GSTCD: variants seen among roughly 807,000 people sequenced by gnomAD.
GSTCD encodes glutathione S-transferase C-terminal domain containing.
GSTCD carries 44 observed loss-of-function variants against 68.3 expected under a neutral mutation model. The observed-to-expected ratio is 0.64, with a 90% CI of 0.51 to 0.83. The LOEUF is 0.83. Ranked by LOEUF, GSTCD falls within the 40% of genes least tolerant of loss-of-function variation. The pLI, the probability that GSTCD is intolerant of heterozygous loss-of-function variation, is 0.00. For synonymous variants in GSTCD, 273 were observed against 255.2 expected (o/e 1.07, Z -0.67); for missense variants, 739 against 735.9 (o/e 1.00, Z -0.05).
chr4:105,828,321 A>T (rs1276704331), intron 8 of GSTCD, among the ~76,000 whole-genome samples: 7 of 152,220 alleles, frequency 4.6e-5, no homozygotes, highest in African/African-American at 1.4e-4. Context: ...GTGTACAATT[A>T]AAAGAAGCAT....
intron 7 of GSTCD, 192 bp downstream of exon 7, chr4:105,823,467 T>C (rs1723416472): frequency 2.2e-6 from 1 of 447,462 alleles, no homozygotes; most frequent in African/African-American, 2.0e-5. Flanking sequence ...AGTAAGATCA[T>C]AAAACATTTA....
intron 5 of GSTCD, among the ~76,000 whole-genome samples, chr4:105,769,715 A>G (rs574836264): frequency 1.3e-5 from 2 of 151,966 alleles, no homozygotes; most frequent in Admixed American, 6.6e-5. Context: ...TTTACCCCTG[A>G]TTTTTTGTGT....
chr4:105,807,102 T>C (rs977288151), intron 5 of GSTCD: 11 of 152,172 alleles, frequency 7.2e-5, no homozygotes, highest in Non-Finnish European at 1.3e-4. Context: ...AAATTACCCA[T>C]TTTTTAAAGT....
chr4:105,765,295 C>T (rs763502427), intron 5 of GSTCD, among the ~76,000 whole-genome samples: 1 of 152,152 alleles, frequency 6.6e-6, no homozygotes, highest in Non-Finnish European at 1.5e-5. Context: ...AGTATTGTCT[C>T]AAGGTAGCAA....
chr4:105,825,806 TAATC>T lies in GSTCD; in HGVS notation c.1530+9_1530+12del. 3 of 1,478,506 alleles carry T rather than the reference TAATC, an allele frequency of 2.0e-6. No homozygotes were observed. The highest frequency in any genetic ancestry group is 2.8e-6 in the Non-Finnish European group (3 of 1,065,206). The allele number at this position is 1,478,506 out of a possible 1,614,324, so 91.6% of individuals were successfully genotyped here. A position where few individuals can be genotyped will look rare whatever the true frequency, so the allele number is the denominator to read the frequency against. ...CTGGGATGTTTAATATTGGAGTAAG[TAATC>T]AAGTAATTTCAATTTCTTTAATTAG... On this transcript the variant is annotated splice_region_variant and intron_variant, in intron 8 of 11. Coordinates refer to ENST00000515279, the MANE Select transcript of GSTCD (RefSeq NM_001370181.1).
At chr4:105,775,109 C>T (rs989913124) in intron 5 of GSTCD, among the ~76,000 whole-genome samples, 3 of 152,060 alleles carry the variant, frequency 2.0e-5, no homozygotes, top group Non-Finnish European at 4.4e-5. Flanking sequence ...TTACATTGAT[C>T]GTCAGTCTCT....
chr4:105,846,735 G>A lies in GSTCD; in HGVS notation c.*1158G>A, dbSNP rs562105570. ...TGCCCAGGCTGGAATTCAGTGGCTCGATCTTGGCTCACCACAACCTCTGCA... is the reference window on the plus strand; with the variant it reads ...TGCCCAGGCTGGAATTCAGTGGCTCAATCTTGGCTCACCACAACCTCTGCA... On this transcript the variant is annotated 3_prime_UTR_variant, in exon 12 of 12. Transcript: ENST00000515279. 4 of 145,104 alleles carry A rather than the reference G, an allele frequency of 2.8e-5. No homozygotes were observed. Among genetic ancestry groups the A allele is most frequent in the Admixed American group, 7.2e-5 (1 of 13,868 alleles). The allele number at this position is 145,104 out of a possible 1,614,324, so 9.0% of individuals were successfully genotyped here.
Position 105,719,232 on chromosome 4 carries a change from T to C in GSTCD, c.599T>C (p.Leu200Pro). The change falls in exon 3 of 12, where the codon CTC (leucine) becomes CCC (proline). Residue 200 changes from leucine to proline, a missense_variant. Leu to Pro is a moderately conservative substitution (Grantham distance 98, BLOSUM62 -3). Coordinates refer to ENST00000515279, the MANE Select transcript of GSTCD (RefSeq NM_001370181.1). Reference protein sequence around the residue: ...HNDDKLRRQKLKQQKADGVGP... With the variant: ...HNDDKLRRQKPKQQKADGVGP... ...GATGATAAACTCCGCAGGCAGAAGC[T>C]CAAGCAACAGAAGGCTGATGGAGTT... 6.2e-7 allele frequency: 1 copy of C among 1,613,972 alleles called. No individual in the cohort carries two copies.
intron 5 of GSTCD, among the ~76,000 whole-genome samples, chr4:105,734,436 T>C (rs917165416): frequency 1.3e-5 from 2 of 152,220 alleles, no homozygotes; most frequent in African/African-American, 4.8e-5. Flanking sequence ...TTTCATTCAT[T>C]TGATCTTCAG....
At chr4:105,714,984 G>A (rs1249850818) in intron 1 of GSTCD, among the ~76,000 whole-genome samples, 1 of 152,126 alleles carries the variant, frequency 6.6e-6, no homozygotes, top group African/African-American at 2.4e-5. Context: ...TTTGTTTCCA[G>A]TTTTTTAAAA....
At chr4:105,770,893 G>A (rs1396930814) in intron 5 of GSTCD, among the ~76,000 whole-genome samples, 2 of 152,130 alleles carry the variant, frequency 1.3e-5, no homozygotes, top group Non-Finnish European at 2.9e-5. Context: ...ACCCAATAAT[G>A]GGATTGCTGG....
intron 5 of GSTCD, chr4:105,746,275 G>A (rs1305573937): frequency 6.6e-6 from 1 of 152,010 alleles, no homozygotes; most frequent in Non-Finnish European, 1.5e-5. Flanking sequence ...CTATTTATTA[G>A]GTGGAAATGG....
In GSTCD at chr4:105,834,563, C is replaced by T; in HGVS notation, c.1633C>T (p.Gln545Ter). ...VTCPCCYGFI[Q>*]NTSKFNFPKS... ...ATGCCCTTGCTGTTATGGTTTCATT[C>T]AGAACACCTCAAAGTTCAATTTTCC... Residue 545 changes from glutamine (Q) to a stop codon, truncating the protein, a stop_gained, in exon 9 of 12, where the codon CAG (glutamine) becomes TAG (stop). Transcript: ENST00000515279. LOFTEE classifies it high-confidence loss of function. The T allele has an allele frequency of 6.2e-7, 1 of 1,614,046 alleles. No individual in the cohort carries two copies. Among genetic ancestry groups the T allele is most frequent in the Non-Finnish European group, 8.5e-7 (1 of 1,179,960 alleles).
At chr4:105,726,992 TA>T (rs1460945558) in intron 4 of GSTCD, among the ~76,000 whole-genome samples, 162 bp downstream of exon 4, 2 of 152,180 alleles carry the variant, frequency 1.3e-5, no homozygotes. Context: ...TCTTTTCATT[TA>T]TGTGAAGTAT....
chr4:105,729,865 G>T (rs1438314137), intron 5 of GSTCD, among the ~76,000 whole-genome samples: 1 of 152,054 alleles, frequency 6.6e-6, no homozygotes, highest in Non-Finnish European at 1.5e-5. Flanking sequence ...TTTACATTAG[G>T]TATATCTCCT....
At chr4:105,804,822 G>A (rs1722413830) in intron 5 of GSTCD, among the ~76,000 whole-genome samples, 1 of 151,970 alleles carries the variant, frequency 6.6e-6, no homozygotes, top group African/African-American at 2.4e-5. Context: ...CCCCCTGTGT[G>A]TGTTGCTCCC....
Position 105,729,445 on chromosome 4 carries a change from C to A in GSTCD, c.1186C>A (p.Pro396Thr). 6.2e-7 allele frequency: 1 copy of A among 1,611,844 alleles called. No individual in the cohort carries two copies. The highest frequency in any genetic ancestry group is 8.5e-7 in the Non-Finnish European group (1 of 1,178,656). The change falls in exon 5 of 12, where the codon CCT becomes ACT. Residue 396 changes from proline (P) to threonine (T), a missense_variant. Pro to Thr is a conservative substitution (Grantham distance 38). Transcript: ENST00000515279. Reference sequence around the variant, plus strand: ...AGTGATGTTTTCTCCCCACCCTTGCCCTACTTGGACTCTTGATTGGAATGT... The same window carrying A: ...AGTGATGTTTTCTCCCCACCCTTGCACTACTTGGACTCTTGATTGGAATGT... ...IEVMFSPHPC[P>T]TWTLDWNVLP...
rs3756260 is a variant in GSTCD at position 105,708,873 on chromosome 4, G to C, written c.-165G>C. On this transcript the variant is annotated 5_prime_UTR_variant, in exon 1 of 12. Transcript: ENST00000515279. ...AGGTGGCTGTCGTTTTTCTCCTGGCGTCTGTGGAGGCGAGTGGTCTGCGGG... is the reference window on the plus strand; with the variant it reads ...AGGTGGCTGTCGTTTTTCTCCTGGCCTCTGTGGAGGCGAGTGGTCTGCGGG... The C allele has an allele frequency of 0.39, 59,094 of 152,678 alleles. 16,900 individuals carry two copies. Among genetic ancestry groups the C allele is most frequent in the African/African-American group, 0.81 (33,520 of 41,516 alleles). 9.5% of individuals were successfully genotyped at this position (152,678 alleles called of 1,614,324 possible). A position where few individuals can be genotyped will look rare whatever the true frequency, so the allele number is the denominator to read the frequency against.
chr4:105,722,543 T>G (rs1393597577), intron 3 of GSTCD, among the ~76,000 whole-genome samples: 1 of 152,014 alleles, frequency 6.6e-6, no homozygotes, highest in African/African-American at 2.4e-5. Flanking sequence ...AAAAAGGAAG[T>G]ATGACTAAGG....
Sources: allele counts gnomAD v4.1 joint callset (sites outside exome capture counted in the v4.1 genomes callset), GRCh38; gene constraint gnomAD v4.1.1; transcripts MANE v1.5; gene names NCBI Gene and HGNC (gene_info 2026-07-23, HGNC 2026-07-21).